Variants in TENM3 observed in about 807,000 individuals in gnomAD.
TENM3 encodes teneurin-3.
Under a neutral mutation model 255.1 loss-of-function variants are expected in TENM3, and 63 were observed. The ratio of observed to expected loss-of-function variants is 0.25; its 90% confidence interval spans 0.20 to 0.30. The LOEUF (loss-of-function observed/expected upper bound fraction) is 0.30. TENM3 is among the 10% of genes least tolerant of loss of function. TENM3 has a pLI of 1.00. For synonymous variants in TENM3, 1,306 were observed against 1,322.3 expected, an observed-to-expected ratio of 0.99 and a Z score of 0.27; for missense variants, 2,929 against 3,461.1, an observed-to-expected ratio of 0.85 and a Z score of 3.86.
chr4:181,733,085 G>A, the TENM3 span, among the ~76,000 whole-genome samples: 2 of 152,308 alleles, frequency 1.3e-5, no homozygotes, highest in Middle Eastern at 3.4e-3. Flanking sequence ...GCAGATGAAG[G>A]TTGGGAGTTG....
intron 1 of TENM3, among the ~76,000 whole-genome samples, chr4:182,288,227 C>T (rs932704482): frequency 2.6e-5 from 4 of 152,202 alleles, no homozygotes; most frequent in Non-Finnish European, 2.9e-5. Flanking sequence ...TGAGCCACTG[C>T]GGCTGGCCTA....
At chr4:181,652,799 C>G in the TENM3 span, among the ~76,000 whole-genome samples, 1 of 152,108 alleles carries the variant, frequency 6.6e-6, no homozygotes, top group Non-Finnish European at 1.5e-5. Flanking sequence ...CTTTCCACCC[C>G]CAAAACAAAC....
chr4:182,688,605 A>G (rs959512060), intron 12 of TENM3, among the ~76,000 whole-genome samples: 2 of 152,252 alleles, frequency 1.3e-5, no homozygotes, highest in Non-Finnish European at 2.9e-5. Context: ...ATGGACTCAC[A>G]TAAAACAGAC....
the TENM3 span, among the ~76,000 whole-genome samples, chr4:181,549,750 G>A: frequency 6.6e-6 from 1 of 152,056 alleles, no homozygotes; most frequent in African/African-American, 2.4e-5. Flanking sequence ...GATTAATCCT[G>A]TTCAAAATTT....
intron 18 of TENM3, among the ~76,000 whole-genome samples, chr4:182,740,514 C>T (rs1260690425): frequency 6.6e-6 from 1 of 152,040 alleles, no homozygotes; most frequent in African/African-American, 2.4e-5. Context: ...CTTCAGAAAC[C>T]CTCTAAAAAC....
the TENM3 span, among the ~76,000 whole-genome samples, chr4:181,545,953 C>A: frequency 6.6e-6 from 1 of 152,112 alleles, no homozygotes; most frequent in Non-Finnish European, 1.5e-5. Context: ...AAAAAGTGCA[C>A]ATATATGCAA....
intron 3 of TENM3, among the ~76,000 whole-genome samples, chr4:182,511,531 T>C (rs2151721002): frequency 6.6e-6 from 1 of 152,312 alleles, no homozygotes; most frequent in Non-Finnish European, 1.5e-5. Context: ...ATGTTTAACT[T>C]CACCTTGCCT....
chr4:181,858,403 A>G, the TENM3 span, among the ~76,000 whole-genome samples: 1 of 152,192 alleles, frequency 6.6e-6, no homozygotes, highest in African/African-American at 2.4e-5. Flanking sequence ...TTTCTAAAGG[A>G]CACTAGTGAG....
the TENM3 span, among the ~76,000 whole-genome samples, chr4:181,467,282 C>T: frequency 6.7e-6 from 1 of 150,150 alleles, no homozygotes; most frequent in Non-Finnish European, 1.5e-5. Flanking sequence ...TACAAGCGCC[C>T]GCCACTGTGC....
chr4:182,628,881 ATT>A lies in TENM3; in HGVS notation c.983_984del (p.Phe328TyrfsTer16). 6.3e-7 allele frequency: 1 copy of A among 1,581,632 alleles called. No individual in the cohort carries two copies. The highest frequency in any genetic ancestry group is 8.6e-7 in the Non-Finnish European group (1 of 1,158,068). ...GTGCTCCTGGCAATACTCCTGTCTT[ATT>A]TTATAGGTAAGAACAAGTTCTTAGA... On this transcript the variant is annotated frameshift_variant, in exon 5 of 28. Transcript: ENST00000511685. LOFTEE classifies it high-confidence loss of function.
the TENM3 span, among the ~76,000 whole-genome samples, chr4:181,862,070 T>C: frequency 6.6e-6 from 1 of 152,162 alleles, no homozygotes; most frequent in Admixed American, 6.5e-5. Context: ...AATTTTGTGT[T>C]AACGTTTAAG....
At chr4:182,470,543 A>G (rs752012940) in intron 3 of TENM3, among the ~76,000 whole-genome samples, 1 of 152,204 alleles carries the variant, frequency 6.6e-6, no homozygotes, top group African/African-American at 2.4e-5. Context: ...AGGAGAGGGA[A>G]AAACATACAT....
chr4:182,100,449 ATAT>A, the TENM3 span, among the ~76,000 whole-genome samples: 5 of 40,218 alleles, frequency 1.2e-4, no homozygotes, highest in Admixed American at 3.9e-4. Flanking sequence ...AAAAAAAAAA[ATAT>A]ATATATATAT....
chr4:182,228,866 C>A (rs1389646808), intron 1 of TENM3, among the ~76,000 whole-genome samples: 1 of 151,968 alleles, frequency 6.6e-6, no homozygotes, highest in Non-Finnish European at 1.5e-5. Context: ...GTGTAAAATG[C>A]CATTGTAGAC....
chr4:181,890,876 T>A, the TENM3 span, among the ~76,000 whole-genome samples: 1 of 152,204 alleles, frequency 6.6e-6, no homozygotes, highest in Non-Finnish European at 1.5e-5. Flanking sequence ...CACAGTGCCC[T>A]AAATTCTATT....
At chr4:182,784,038 C>T (rs1207287144) in intron 24 of TENM3, among the ~76,000 whole-genome samples, 2 of 152,320 alleles carry the variant, frequency 1.3e-5, no homozygotes, top group South Asian at 2.1e-4. Context: ...GATCGTCTGA[C>T]GCCTTCTACT....
At chr4:181,525,824 G>A in the TENM3 span, among the ~76,000 whole-genome samples, 6 of 152,270 alleles carry the variant, frequency 3.9e-5, no homozygotes, top group Admixed American at 2.0e-4. Context: ...GTGCCCTCAG[G>A]CAGAACTAAA....
chr4:181,720,699 T>C, the TENM3 span, among the ~76,000 whole-genome samples: 1 of 152,194 alleles, frequency 6.6e-6, no homozygotes, highest in African/African-American at 2.4e-5. Flanking sequence ...GGAGGAAGTC[T>C]TTGTCCTTTG....
At chr4:181,963,641 C>A in the TENM3 span, among the ~76,000 whole-genome samples, 1 of 152,132 alleles carries the variant, frequency 6.6e-6, no homozygotes, top group African/African-American at 2.4e-5. Flanking sequence ...AAGTTCTGAA[C>A]CTGAATGGCC....
Sources: allele counts gnomAD v4.1 joint callset (sites outside exome capture counted in the v4.1 genomes callset), GRCh38; gene constraint gnomAD v4.1.1; transcripts MANE v1.5; gene names NCBI Gene and HGNC (gene_info 2026-07-23, HGNC 2026-07-21).